The following NEDD4L variants were observed in gnomAD, a reference collection of about 807,000 sequenced individuals.
NEDD4L encodes the protein NEDD4 like E3 ubiquitin protein ligase.
Under a neutral mutation model 148.9 loss-of-function variants are expected in NEDD4L, and 54 were observed. That is an observed-to-expected ratio of 0.36 (90% CI 0.29 to 0.45). NEDD4L has a LOEUF of 0.45. NEDD4L is among the 20% of genes least tolerant of loss of function. The probability of loss-of-function intolerance (pLI) is 1.00; values close to 1 mark genes in which losing one functional copy is unlikely to be tolerated. For synonymous variants in NEDD4L, 433 were observed against 440.7 expected (o/e 0.98, Z 0.22); for missense variants, 856 against 1,233.8 (o/e 0.69, Z 4.59).
intron 2 of NEDD4L, among the ~76,000 whole-genome samples, chr18:58,243,120 G>A (rs1178910327): frequency 6.6e-6 from 1 of 152,234 alleles, no homozygotes; most frequent in Non-Finnish European, 1.5e-5. Flanking sequence ...GTGGAAGAAT[G>A]TGGATGTTCT....
chr18:58,133,574 A>G (rs962687315), intron 1 of NEDD4L, among the ~76,000 whole-genome samples: 3 of 152,228 alleles, frequency 2.0e-5, no homozygotes, highest in Non-Finnish European at 2.9e-5. Flanking sequence ...ATAAGAAGTA[A>G]AAATCCTAAA....
At chr18:58,076,644 G>A (rs1441095062) in intron 1 of NEDD4L, among the ~76,000 whole-genome samples, 9 of 152,248 alleles carry the variant, frequency 5.9e-5, no homozygotes, top group Admixed American at 5.9e-4. Flanking sequence ...AGGTGAGCCT[G>A]TGTCTTTCAG....
intron 20 of NEDD4L, among the ~76,000 whole-genome samples, chr18:58,365,327 T>C (rs960458149): frequency 2.6e-5 from 4 of 151,932 alleles, no homozygotes; most frequent in Non-Finnish European, 5.9e-5. Flanking sequence ...TCTCACTCTA[T>C]GGCTCTCACA....
At chr18:58,386,617 G>A (rs751103181) in intron 26 of NEDD4L, among the ~76,000 whole-genome samples, 4 of 152,138 alleles carry the variant, frequency 2.6e-5, no homozygotes, top group Non-Finnish European at 4.4e-5. Flanking sequence ...TGGACCAAAA[G>A]CAAAATTCTT....
At chr18:58,232,021 T>C (rs867128625) in intron 2 of NEDD4L, among the ~76,000 whole-genome samples, 11 of 152,198 alleles carry the variant, frequency 7.2e-5, no homozygotes, top group African/African-American at 2.7e-4. Flanking sequence ...TCTATGTAAA[T>C]TATCTTGATG....
At chr18:58,179,728 C>T (rs2038615132) in intron 2 of NEDD4L, among the ~76,000 whole-genome samples, 1 of 151,930 alleles carries the variant, frequency 6.6e-6, no homozygotes, top group African/African-American at 2.4e-5. Flanking sequence ...GATGATCCGT[C>T]ACTGTCCCCC....
intron 1 of NEDD4L, among the ~76,000 whole-genome samples, chr18:58,103,732 A>G (rs984477563): frequency 1.3e-5 from 2 of 152,232 alleles, no homozygotes; most frequent in African/African-American, 4.8e-5. Context: ...AGTGAAACCA[A>G]AACCTACATG....
At chr18:58,162,796 G>C (rs534275016) in intron 1 of NEDD4L, among the ~76,000 whole-genome samples, 1 of 151,652 alleles carries the variant, frequency 6.6e-6, no homozygotes, top group Non-Finnish European at 1.5e-5. Flanking sequence ...GGGCGCAGTG[G>C]CTCACGCCTG....
At chr18:58,333,711 A>G in intron 11 of NEDD4L, 107 bp from the exon 12 acceptor site, 1 of 753,180 alleles carries the variant, frequency 1.3e-6, no homozygotes, top group Non-Finnish European at 2.4e-6. Flanking sequence ...TTACCTTCTA[A>G]TATCGAAGAG....
At chr18:58,333,470 G>T (rs972100532) in intron 11 of NEDD4L, among the ~76,000 whole-genome samples, 3 of 151,998 alleles carry the variant, frequency 2.0e-5, no homozygotes, top group Non-Finnish European at 2.9e-5. Context: ...TTACCCTGAG[G>T]GTGCATCTTA....
intron 16 of NEDD4L, among the ~76,000 whole-genome samples, chr18:58,344,843 C>T (rs1340027134): frequency 3.3e-5 from 5 of 152,086 alleles, no homozygotes; most frequent in Admixed American, 6.6e-5. Flanking sequence ...GAAATAAGGG[C>T]TAACGAATAT....
chr18:58,188,831 T>C (rs1482395557), intron 2 of NEDD4L, among the ~76,000 whole-genome samples: 1 of 152,252 alleles, frequency 6.6e-6, no homozygotes, highest in Non-Finnish European at 1.5e-5. Context: ...TTCATTGTCT[T>C]TCTAGAGAAA....
At chr18:58,065,365 C>T (rs1217139301) in intron 1 of NEDD4L, among the ~76,000 whole-genome samples, 5 of 152,158 alleles carry the variant, frequency 3.3e-5, no homozygotes, top group South Asian at 2.1e-4. Flanking sequence ...GAGTGCCTGG[C>T]GAGGTGGAGC....
chr18:58,120,395 A>T lies in NEDD4L; in HGVS notation c.49-45393A>T, dbSNP rs73442639. Among the ~76,000 whole-genome samples, 188 of 152,284 alleles carry T rather than the reference A, an allele frequency of 1.2e-3. 2 individuals are homozygous for T. Among genetic ancestry groups the T allele is most frequent in the African/African-American group, 4.4e-3 (182 of 41,538 alleles). ...GGTTAATTACAGTTACCTCACTGGG[A>T]TTTGTGAGGATGGAATGAGGTAACA... On this transcript the variant is annotated intron_variant, in intron 1 of 30. Coordinates refer to ENST00000400345, the MANE Select transcript of NEDD4L (RefSeq NM_001144967.3).
At chr18:58,082,092 ATATATATATATTT>A (rs1275748825) in intron 1 of NEDD4L, among the ~76,000 whole-genome samples, 6 of 79,142 alleles carry the variant, frequency 7.6e-5, no homozygotes, top group African/African-American at 5.3e-4. Context: ...ATATATATAT[ATATATATATATTT>A]TTTTTTTTTT....
chr18:58,278,006 C>T (rs1258920956), intron 5 of NEDD4L, among the ~76,000 whole-genome samples: 2 of 152,020 alleles, frequency 1.3e-5, no homozygotes, highest in African/African-American at 4.8e-5. Context: ...AATGATGCCT[C>T]ATTAAAAACT....
rs539586433 is a variant in NEDD4L at position 58,375,146 on chromosome 18, C to G, written c.2352+1877C>G. Among the ~76,000 whole-genome samples the G allele has an allele frequency of 2.0e-5, 3 of 152,264 alleles. No individual in the cohort carries two copies. In the South Asian group the frequency reaches 6.2e-4, roughly 32 times the overall value. On this transcript the variant is annotated intron_variant, in intron 24 of 30. Transcript: ENST00000400345. ...CCTCATGCCATCTCCCCTCCTCATG[C>G]CATCTCCCCGTGCCCAGGCTTGCTG...
intron 1 of NEDD4L, among the ~76,000 whole-genome samples, chr18:58,155,124 T>TA (rs1367348146): frequency 6.6e-6 from 1 of 152,228 alleles, no homozygotes; most frequent in Non-Finnish European, 1.5e-5. Flanking sequence ...AAGAATATCC[T>TA]AAAGTTCTTG....
At position 58,329,106 on chromosome 18, in the gene NEDD4L, G is replaced by A. The variant is rs750888753; in HGVS notation, c.792G>A (p.Ser264=). Residue 264 remains serine (S), a synonymous_variant, in exon 10 of 31, where the codon TCG becomes TCA. Coordinates refer to ENST00000400345, the MANE Select transcript of NEDD4L (RefSeq NM_001144967.3). ...GCGAAGACTTGGAGCCCGAGCCCTCGGAGGGCGGGGATGTCCCCGAGGTAC... is the reference window on the plus strand; with the variant it reads ...GCGAAGACTTGGAGCCCGAGCCCTCAGAGGGCGGGGATGTCCCCGAGGTAC... ...HISEDLEPEP[S]EGGDVPEPWE... is the part of the protein sequence containing the mutation. 32 of 1,613,844 alleles carry A rather than the reference G, an allele frequency of 2.0e-5. No individual in the cohort carries two copies. The highest frequency in any genetic ancestry group is 1.5e-4 in the Admixed American group (9 of 59,994).
Sources: allele counts gnomAD v4.1 joint callset (sites outside exome capture counted in the v4.1 genomes callset), GRCh38; gene constraint gnomAD v4.1.1; transcripts MANE v1.5; gene names NCBI Gene and HGNC (gene_info 2026-07-23, HGNC 2026-07-21).